The following ZSCAN18 variants were observed in gnomAD, a reference collection of about 807,000 sequenced individuals.
ZSCAN18 encodes the protein zinc finger and SCAN domain-containing protein 18.
In ZSCAN18, 16 loss-of-function variants were observed where a neutral mutation model predicts 31.1. That is an observed-to-expected ratio of 0.51 (90% CI 0.35 to 0.78). The LOEUF is 0.78. ZSCAN18 is among the 30% of genes least tolerant of loss of function. The probability of loss-of-function intolerance (pLI) is 0.01; values close to 1 mark genes in which losing one functional copy is unlikely to be tolerated. For missense variants in ZSCAN18, 731 were observed against 697.4 expected, an observed-to-expected ratio of 1.05 and a Z score of -0.54; for synonymous variants, 375 against 320.7, an observed-to-expected ratio of 1.17 and a Z score of -1.81.
chr19:58,109,037 C>T, intron 1 of ZSCAN18: 3 of 1,220,714 alleles, frequency 2.5e-6, no homozygotes, highest in Non-Finnish European at 3.1e-6. Flanking sequence ...TGACATGAAG[C>T]TAGGACTGAG....
chr19:58,084,625 G>A lies in ZSCAN18; in HGVS notation c.*60C>T, dbSNP rs1043688260. ...ACCCAGGGGCGTGGAAAGGCCCAAT[G>A]CCTCGTCTGGGATTCACGGCCGGCA... On this transcript the variant is annotated 3_prime_UTR_variant, in exon 7 of 7. Coordinates refer to ENST00000601144, the MANE Select transcript of ZSCAN18 (RefSeq NM_001145543.2). This position sits in a 1 kb window ranked among gnomAD's most constrained non-coding sequence, Gnocchi z 4.5. 2.6e-5 allele frequency: 37 copies of A among 1,407,786 alleles called. No homozygotes were observed. Among genetic ancestry groups the A allele is most frequent in the Non-Finnish European group, 3.3e-5 (36 of 1,077,710 alleles). 87.2% of individuals were successfully genotyped at this position (1,407,786 alleles called of 1,614,324 possible). A position where few individuals can be genotyped will look rare whatever the true frequency, so the allele number is the denominator to read the frequency against.
At chr19:58,114,084 A>G (rs2074710323) in intron 1 of ZSCAN18, among the ~76,000 whole-genome samples, 1 of 152,090 alleles carries the variant, frequency 6.6e-6, no homozygotes, top group Non-Finnish European at 1.5e-5. Context: ...CCTGGCCAAC[A>G]TAGTGAAACC....
intron 1 of ZSCAN18, among the ~76,000 whole-genome samples, chr19:58,104,583 T>A (rs1368391167): frequency 6.6e-6 from 1 of 151,728 alleles, no homozygotes; most frequent in Non-Finnish European, 1.5e-5. Flanking sequence ...GTGCCTGTAA[T>A]CCCTGCTACT....
At chr19:58,091,934 G>A (rs1056423519) in intron 1 of ZSCAN18, among the ~76,000 whole-genome samples, 4 of 152,152 alleles carry the variant, frequency 2.6e-5, no homozygotes, top group Non-Finnish European at 4.4e-5. Flanking sequence ...GCCAGGTGCT[G>A]TGAGCCCTTC....
intron 1 of ZSCAN18, among the ~76,000 whole-genome samples, chr19:58,110,125 C>T (rs2554986): frequency 0.77 from 117,103 of 152,072 alleles, 45,658 homozygotes; most frequent in Non-Finnish European, 0.85. Context: ...AGTGCTCCTC[C>T]GGCTTCAGCC....
rs369292414 is a variant in ZSCAN18 at position 58,104,702 on chromosome 19, C to CAATAAAATAAAATAAAATAA, written c.130+13545_130+13564dup. On this transcript the variant is annotated intron_variant, in intron 1 of 1. Transcript: ENST00000595721. ...TAGGCAAAAGAGTGAGACTCCATCT[C>CAATAAAATAAAATAAAATAA]AATAAAATAAAATAAAATAAAATAA... Among the ~76,000 whole-genome samples, 116 of 139,956 alleles carry CAATAAAATAAAATAAAATAA rather than the reference C, an allele frequency of 8.3e-4. 1 individual carries two copies. The highest frequency in any genetic ancestry group is 3.5e-3 in the Middle Eastern group (1 of 286). 91.8% of individuals were successfully genotyped at this position (139,956 alleles called of 152,430 possible).
At chr19:58,085,548 C>G (rs1034370453) in intron 6 of ZSCAN18, 169 bp from the exon 7 acceptor site, 1 of 611,494 alleles carries the variant, frequency 1.6e-6, no homozygotes, top group Admixed American at 3.4e-5. Flanking sequence ...AGCCCTGCAG[C>G]GCATGCCCCG....
intron 1 of ZSCAN18, chr19:58,108,799 G>A: frequency 1.0e-6 from 1 of 986,206 alleles, no homozygotes; most frequent in Non-Finnish European, 1.2e-6. Context: ...TCACTAAGGT[G>A]TGTAGAAAGG....
At position 58,084,603 on chromosome 19, in the gene ZSCAN18, C is replaced by A. The variant is rs923244257; in HGVS notation, c.*82G>T. On this transcript the variant is annotated 3_prime_UTR_variant, in exon 7 of 7. Coordinates refer to ENST00000601144, the MANE Select transcript of ZSCAN18 (RefSeq NM_001145543.2). This position sits in a 1 kb window ranked among gnomAD's most constrained non-coding sequence, Gnocchi z 4.5. The stretch of plus-strand genomic sequence containing the variant: ...ACAAACACCACAGGAAGCCGCCACC[C>A]AGGGGCGTGGAAAGGCCCAATGCCT... 176 of 1,334,182 alleles carry A rather than the reference C, an allele frequency of 1.3e-4. No individual in the cohort carries two copies. The highest frequency in any genetic ancestry group is 1.7e-4 in the Non-Finnish European group (170 of 1,015,716). 82.6% of individuals were successfully genotyped at this position (1,334,182 alleles called of 1,614,324 possible).
At chr19:58,098,398 G>A (rs1184665602), upstream of ZSCAN18, 6 of 985,048 alleles carry the variant, frequency 6.1e-6, no homozygotes, top group African/African-American at 8.7e-5. Context: ...CCACTCCGGC[G>A]CCTGCGTCAT....
intron 1 of ZSCAN18, among the ~76,000 whole-genome samples, chr19:58,112,282 A>G (rs1295278029): frequency 6.6e-6 from 1 of 152,102 alleles, no homozygotes. Context: ...CGATACGCCC[A>G]TTTCGGCCTC....
Position 58,084,632 on chromosome 19 carries a change from C to T in ZSCAN18, c.*53G>A. 7.0e-7 allele frequency: 1 copy of T among 1,421,200 alleles called. No homozygotes were observed. Among genetic ancestry groups the T allele is most frequent in the Non-Finnish European group, 9.2e-7 (1 of 1,088,650 alleles). The allele number at this position is 1,421,200 out of a possible 1,614,324, so 88.0% of individuals were successfully genotyped here. A position where few individuals can be genotyped will look rare whatever the true frequency, so the allele number is the denominator to read the frequency against. On this transcript the variant is annotated 3_prime_UTR_variant, in exon 7 of 7. Coordinates refer to ENST00000601144, the MANE Select transcript of ZSCAN18 (RefSeq NM_001145543.2). The surrounding 1 kb of genome is among the most constrained non-coding windows in gnomAD (Gnocchi z 4.5). The stretch of plus-strand genomic sequence containing the variant: ...GGCGTGGAAAGGCCCAATGCCTCGT[C>T]TGGGATTCACGGCCGGCAAAGCGGC...
At chr19:58,114,647 T>C (rs976432850) in intron 1 of ZSCAN18, among the ~76,000 whole-genome samples, 5 of 152,176 alleles carry the variant, frequency 3.3e-5, no homozygotes, top group African/African-American at 1.2e-4. Flanking sequence ...AGTATGTATA[T>C]ATACACGTAT....
chr19:58,116,783 C>T (rs1470010781), intron 1 of ZSCAN18, among the ~76,000 whole-genome samples: 1 of 152,216 alleles, frequency 6.6e-6, no homozygotes. Context: ...CAGATGTGAC[C>T]TGACAGGCTT....
At position 58,085,098 on chromosome 19, in the gene ZSCAN18, G is replaced by C. The variant is rs759319664; in HGVS notation, c.1120C>G (p.Pro374Ala). The change falls in exon 7 of 7, where the codon CCC becomes GCC. Residue 374 changes from proline (P) to alanine (A), a missense_variant. Coordinates refer to ENST00000601144, the MANE Select transcript of ZSCAN18 (RefSeq NM_001145543.2). The part of the protein sequence containing the change: ...TAKLGTKRPH[P>A]EDGDGQSLEG... Reference sequence around the variant, plus strand: ...AGGCTCTGCCCGTCCCCATCCTCGGGGTGCGGCCTCTTGGTTCCCAGTTTC... The same window carrying C: ...AGGCTCTGCCCGTCCCCATCCTCGGCGTGCGGCCTCTTGGTTCCCAGTTTC... 9.3e-6 allele frequency: 15 copies of C among 1,606,526 alleles called. No individual in the cohort carries two copies. Among genetic ancestry groups the C allele is most frequent in the Non-Finnish European group, 1.3e-5 (15 of 1,176,196 alleles).
rs529233652 is a variant in ZSCAN18 at position 58,084,708 on chromosome 19, C to A, written c.1510G>T (p.Ala504Ser). ...GCTCACCTCTGCGCCTCTGGGGGTG[C>A]GGGGGGAGCCTCGCCCTCCACGCTC... is the stretch of plus-strand genomic sequence containing the variant. ...PESVEGEAPP[A>S]PPEAQR The change falls in exon 7 of 7, where the codon GCA becomes TCA. Residue 504 changes from alanine (A) to serine (S), a missense_variant. Transcript: ENST00000601144. The surrounding 1 kb of genome is among the most constrained non-coding windows in gnomAD (Gnocchi z 4.5). 6 of 1,503,002 alleles carry A rather than the reference C, an allele frequency of 4.0e-6. No individual in the cohort carries two copies. In the Admixed American group the frequency reaches 6.7e-5, roughly 17 times the overall value. The allele number at this position is 1,503,002 out of a possible 1,614,324, so 93.1% of individuals were successfully genotyped here.
chr19:58,117,358 A>G (rs1416822770), intron 1 of ZSCAN18, among the ~76,000 whole-genome samples: 1 of 152,084 alleles, frequency 6.6e-6, no homozygotes, highest in Non-Finnish European at 1.5e-5. Flanking sequence ...AGGGCAGCCC[A>G]GTATACAACC....
rs1008766285 is a variant in ZSCAN18 at position 58,117,281 on chromosome 19, T to G, written c.130+986A>C. ...GTTTGGGGGAGAGTAGATGCTCAGC[T>G]GAGGATCCCAAAGTCTGAGAGGCCT... On this transcript the variant is annotated intron_variant, in intron 1 of 1. Transcript: ENST00000595721. 2.0e-5 allele frequency among the ~76,000 whole-genome samples: 3 copies of G among 152,012 alleles called. No individual in the cohort carries two copies. The East Asian group carries it at 5.8e-4, about 29-fold the overall frequency.
At chr19:58,099,657 T>G (rs1464882845), upstream of ZSCAN18, among the ~76,000 whole-genome samples, 1 of 152,226 alleles carries the variant, frequency 6.6e-6, no homozygotes, top group Non-Finnish European at 1.5e-5. Flanking sequence ...ATTAGTGTTG[T>G]AAGAAGCTGC....
Sources: allele counts gnomAD v4.1 joint callset (sites outside exome capture counted in the v4.1 genomes callset), GRCh38; gene constraint gnomAD v4.1.1; non-coding constraint Gnocchi (gnomAD v3.1); transcripts MANE v1.5; gene names NCBI Gene and HGNC (gene_info 2026-07-23, HGNC 2026-07-21).